Variants in GSE1 observed in about 807,000 individuals in gnomAD.
GSE1 encodes the protein Gse1 coiled-coil protein.
GSE1 carries 32 observed loss-of-function variants against 112.6 expected under a neutral mutation model. That is an observed-to-expected ratio of 0.28 (90% CI 0.21 to 0.38). The LOEUF (loss-of-function observed/expected upper bound fraction) is 0.38. Among genes scored for constraint, GSE1 ranks in the 10% least tolerant of loss-of-function variants. The pLI, the probability that GSE1 is intolerant of heterozygous loss-of-function variation, is 1.00. For synonymous variants in GSE1, 1,115 were observed against 735.6 expected, an observed-to-expected ratio of 1.52 and a Z score of -8.35; for missense variants, 2,348 against 1,699.2, an observed-to-expected ratio of 1.38 and a Z score of -6.71.
chr16:85,668,049 C>G (rs761745598), intron 13 of GSE1, 91 bp from the exon 14 acceptor site: 41 of 992,870 alleles, frequency 4.1e-5, no homozygotes, highest in Non-Finnish European at 5.6e-5. Context: ...CATGTTGACT[C>G]TGCACCAAGG....
At chr16:85,185,057 C>G (rs1391704497) in intron 1 of GSE1, 1 of 152,296 alleles carries the variant, frequency 6.6e-6, no homozygotes, top group East Asian at 1.9e-4. Context: ...CTTTTTGTCC[C>G]TTTAGTTTTG....
chr16:85,672,559 C>T lies in GSE1; in HGVS notation c.*20C>T, dbSNP rs367948288. The T allele has an allele frequency of 7.6e-5, 118 of 1,557,592 alleles. 1 individual carries two copies. The African/African-American group carries it at 1.5e-3, about 20-fold the overall frequency. ...AGGTGACGGTTTCCCTTGCACTAGGCCGAACCTATAGTATAGAAATATTAT... is the reference window on the plus strand; with the variant it reads ...AGGTGACGGTTTCCCTTGCACTAGGTCGAACCTATAGTATAGAAATATTAT... On this transcript the variant is annotated 3_prime_UTR_variant, in exon 16 of 16. Transcript: ENST00000253458.
At chr16:85,384,888 G>A (rs374611843) in intron 2 of GSE1, among the ~76,000 whole-genome samples, 1 of 152,336 alleles carries the variant, frequency 6.6e-6, no homozygotes, top group South Asian at 2.1e-4. Flanking sequence ...CACCCTGGGG[G>A]CCCTCAGGCA....
intron 1 of GSE1, among the ~76,000 whole-genome samples, chr16:85,319,712 C>T (rs2046060817): frequency 1.3e-5 from 2 of 152,178 alleles, no homozygotes; most frequent in Non-Finnish European, 2.9e-5. Context: ...CTTTTAGAGG[C>T]CTCTCTTGGG....
chr16:85,315,698 G>A (rs1202179620), intron 1 of GSE1, among the ~76,000 whole-genome samples: 2 of 152,166 alleles, frequency 1.3e-5, no homozygotes, highest in African/African-American at 4.8e-5. Flanking sequence ...GATAAACAAC[G>A]AACACGCTTT....
intron 1 of GSE1, among the ~76,000 whole-genome samples, chr16:85,264,821 C>T (rs146755238): frequency 2.0e-5 from 3 of 152,142 alleles, no homozygotes; most frequent in Admixed American, 6.5e-5. Context: ...TAACCAGGAC[C>T]GGGAGGGGTG....
At chr16:85,638,353 C>T (rs897021420) in intron 2 of GSE1, among the ~76,000 whole-genome samples, 17 of 152,202 alleles carry the variant, frequency 1.1e-4, no homozygotes, top group Non-Finnish European at 1.5e-4. Flanking sequence ...CCCACCAGCG[C>T]GGGCCAGACA....
chr16:85,492,213 T>C (rs956673136), intron 2 of GSE1, among the ~76,000 whole-genome samples: 4 of 152,134 alleles, frequency 2.6e-5, no homozygotes, highest in African/African-American at 9.7e-5. Context: ...GCGTGTTTGA[T>C]CTATAAATAG....
At chr16:85,337,757 C>T (rs1306270852) in intron 1 of GSE1, among the ~76,000 whole-genome samples, 1 of 152,208 alleles carries the variant, frequency 6.6e-6, no homozygotes, top group Non-Finnish European at 1.5e-5. Flanking sequence ...GGCAGGAGTC[C>T]TGGTTGTCCA....
intron 2 of GSE1, among the ~76,000 whole-genome samples, chr16:85,446,999 C>T (rs1012517059): frequency 5.3e-5 from 8 of 152,134 alleles, no homozygotes; most frequent in Non-Finnish European, 1.0e-4. Flanking sequence ...ATGTCGGGTG[C>T]TCCATGGGCC....
intron 1 of GSE1, chr16:85,171,935 C>T (rs1056472254): frequency 1.1e-5 from 5 of 467,482 alleles, no homozygotes; most frequent in African/African-American, 2.1e-5. Flanking sequence ...CGGGGTGTTC[C>T]GGGGGAGGTA....
chr16:85,310,503 G>A lies in GSE1; in HGVS notation c.2284-46960G>A, dbSNP rs115796408. Among the ~76,000 whole-genome samples the A allele has an allele frequency of 4.1e-3, 508 of 125,200 alleles. 7 individuals are homozygous for A. The highest frequency in any genetic ancestry group is 0.015 in the African/African-American group (491 of 32,884). 82.1% of individuals were successfully genotyped at this position (125,200 alleles called of 152,430 possible). A position where few individuals can be genotyped will look rare whatever the true frequency, so the allele number is the denominator to read the frequency against. On this transcript the variant is annotated intron_variant, in intron 1 of 2. Transcript: ENST00000637419. ...CTCCCCTGCCGTGCTCTTCTTCTCT[G>A]CCCCTCCCCCCTCCTCCCACCTCCT...
Position 85,666,547 on chromosome 16 carries a change from G to A in GSE1, c.3130+200G>A, listed in dbSNP as rs545171413. ...CAAGCTCTAAAACCTGAACTCGTAG[G>A]TGAGAAACGTTTGTAGGCACCAGCG... On this transcript the variant is annotated intron_variant, in intron 13 of 15. Transcript: ENST00000253458. The A allele has an allele frequency of 6.6e-5, 40 of 608,112 alleles. 2 individuals are homozygous for A. In the South Asian group the frequency reaches 7.7e-4, roughly 12 times the overall value. 37.7% of individuals were successfully genotyped at this position (608,112 alleles called of 1,614,324 possible). A position where few individuals can be genotyped will look rare whatever the true frequency, so the allele number is the denominator to read the frequency against.
At position 85,194,758 on chromosome 16, in the gene GSE1, G is replaced by T. The variant is rs1333596189; in HGVS notation, c.2283+22951G>T. Among the ~76,000 whole-genome samples, 3 of 152,194 alleles carry T rather than the reference G, an allele frequency of 2.0e-5. No homozygotes were observed. The East Asian group carries it at 5.8e-4, about 29-fold the overall frequency. ...TTCTGTTCTGTGCAGTGTGTTTCAG[G>T]AAATGGCTGAAAAGACCTTCTCTCC... On this transcript the variant is annotated intron_variant, in intron 1 of 2. Coordinates refer to the GSE1 transcript ENST00000637419.
intron 3 of GSE1, among the ~76,000 whole-genome samples, chr16:85,650,447 C>G (rs1413690306): frequency 6.6e-6 from 1 of 152,198 alleles, no homozygotes; most frequent in Non-Finnish European, 1.5e-5. Context: ...CAGCCAGGAC[C>G]CTGCACCCAG....
At chr16:85,637,872 C>T (rs1050622047) in intron 2 of GSE1, among the ~76,000 whole-genome samples, 31 of 152,178 alleles carry the variant, frequency 2.0e-4, no homozygotes, top group African/African-American at 6.5e-4. Flanking sequence ...GCCAGCTCAG[C>T]GGCCCGCAGC....
chr16:85,564,990 G>A lies in GSE1; in HGVS notation c.37+8627G>A, dbSNP rs1300135685. Among the ~76,000 whole-genome samples the A allele has an allele frequency of 3.3e-5, 5 of 152,148 alleles. 1 individual carries two copies. The highest frequency in any genetic ancestry group is 2.0e-4 in the Admixed American group (3 of 15,276). ...GGGGATGGTGAAGTGTGGGAATGAA[G>A]CCGGGGAGTGGGTCGGAGCCACGTC... is the stretch of plus-strand genomic sequence containing the variant. On this transcript the variant is annotated intron_variant, in intron 1 of 2. Coordinates refer to the GSE1 transcript ENST00000635906.
chr16:85,449,326 AAGGGCCC>A (rs1409460752), intron 2 of GSE1, among the ~76,000 whole-genome samples: 1 of 152,200 alleles, frequency 6.6e-6, no homozygotes, highest in Non-Finnish European at 1.5e-5. Context: ...CTGGGCCTGG[AAGGGCCC>A]AGAAAAACAA....
chr16:85,445,536 C>T (rs1406826165), intron 2 of GSE1, among the ~76,000 whole-genome samples: 1 of 152,228 alleles, frequency 6.6e-6, no homozygotes, highest in Non-Finnish European at 1.5e-5. Flanking sequence ...ATCTGCTGAG[C>T]CTTCCAAAGG....
Sources: allele counts gnomAD v4.1 joint callset (sites outside exome capture counted in the v4.1 genomes callset), GRCh38; gene constraint gnomAD v4.1.1; transcripts MANE v1.5; gene names NCBI Gene and HGNC (gene_info 2026-07-23, HGNC 2026-07-21).